VPS13C: variants seen among roughly 807,000 people sequenced by gnomAD.
VPS13C encodes the protein intermembrane lipid transfer protein VPS13C.
A neutral mutation model predicts 456.8 loss-of-function variants in VPS13C; 358 were observed. The ratio of observed to expected loss-of-function variants is 0.78; its 90% CI spans 0.72 to 0.86. VPS13C has a LOEUF of 0.86. Ranked by LOEUF, VPS13C falls within the 40% of genes least tolerant of loss-of-function variation. VPS13C has a pLI of 0.00. For synonymous variants in VPS13C, 1,578 were observed against 1,486.7 expected, an observed-to-expected ratio of 1.06 and a Z score of -1.41; for missense variants, 4,818 against 4,385.4, an observed-to-expected ratio of 1.10 and a Z score of -2.79.
rs772658767 is a variant in VPS13C, at chr15:61,931,217, C to T, written c.5911G>A (p.Glu1971Lys). The change falls in exon 50 of 85, where the codon GAA becomes AAA. Residue 1971 changes from glutamate to lysine, a missense_variant. Physicochemically the swap from Glu to Lys is moderately conservative, Grantham distance 56 (BLOSUM62 1). This residue lies in a region of VPS13C where 4,552 missense variants were observed against 4,130.6 expected (regional missense o/e 1.10). Coordinates refer to ENST00000644861, the MANE Select transcript of VPS13C (RefSeq NM_020821.3). ...GAGGCCATAAGATGTAGTCTGAGTT[C>T]ACCAAGTTGGAAACTGTCATTATGA... ...AFHNDSFQLG[E>K]LRLHLMASSG... 1 of 1,614,000 alleles carries T rather than the reference C, an allele frequency of 6.2e-7. No homozygotes were observed. The highest frequency in any genetic ancestry group is 8.5e-7 in the Non-Finnish European group (1 of 1,179,976).
rs1338305653 is a variant in VPS13C, at chr15:61,918,191, G to A, written c.7705C>T (p.Arg2569Cys). Residue 2569 changes from arginine (R) to cysteine (C), a missense_variant, in exon 59 of 85, where the codon CGC becomes TGC. Coordinates refer to ENST00000644861, the MANE Select transcript of VPS13C (RefSeq NM_020821.3). ...TCTTCAGGTCTGGCTATCCCAATGC[G>A]CTCCAATAGCTTAACATTCTTAACA... ...KFVKNVKLLE[R>C]IGIARPEEEF... The A allele has an allele frequency of 2.6e-5, 41 of 1,599,310 alleles. 1 individual carries two copies. The highest frequency in any genetic ancestry group is 3.3e-4 in the Middle Eastern group (2 of 6,056).
rs1359468787 is a variant in VPS13C, at chr15:61,878,693, T to A, written c.10056A>T (p.Lys3352Asn). ...CAGAATGAACTGCAAACATTTCCTG[T>A]TTTTCTTTGTCTGATTCTTCACCTC... is the stretch of plus-strand genomic sequence containing the variant. ...GSGGEESDKE[K>N]QEMFAVHSVN... is the part of the protein sequence containing the mutation. Residue 3352 changes from lysine to asparagine, a missense_variant, in exon 74 of 85, where the codon AAA becomes AAT. By Grantham distance (94) the Lys-to-Asn change is moderately conservative. Coordinates refer to ENST00000644861, the MANE Select transcript of VPS13C (RefSeq NM_020821.3). The A allele has an allele frequency of 2.5e-6, 4 of 1,611,340 alleles. No homozygotes were observed. Among genetic ancestry groups the A allele is most frequent in the Non-Finnish European group, 3.4e-6 (4 of 1,178,744 alleles).
At chr15:61,898,071 C>G (rs2042885107) in intron 66 of VPS13C, among the ~76,000 whole-genome samples, 2 of 151,788 alleles carry the variant, frequency 1.3e-5, no homozygotes, top group Non-Finnish European at 2.9e-5. Flanking sequence ...TTGTCACCAC[C>G]AGACATGCCC....
chr15:62,020,992 A>G (rs962720776), intron 8 of VPS13C, among the ~76,000 whole-genome samples: 6 of 151,966 alleles, frequency 3.9e-5, no homozygotes, highest in Admixed American at 3.3e-4. Flanking sequence ...GTTTTTTTGC[A>G]GCAACATGGA....
intron 12 of VPS13C, among the ~76,000 whole-genome samples, 170 bp from the exon 13 acceptor site, chr15:62,010,769 G>T (rs2047011226): frequency 1.3e-5 from 2 of 152,148 alleles, no homozygotes; most frequent in Non-Finnish European, 2.9e-5. Flanking sequence ...CTACTTATAT[G>T]CATAATAATA....
intron 74 of VPS13C, among the ~76,000 whole-genome samples, chr15:61,878,184 T>C (rs1157016177): frequency 2.0e-5 from 3 of 151,318 alleles, no homozygotes; most frequent in African/African-American, 7.3e-5. Context: ...AAGGTAAAAA[T>C]GATCTACAGG....
intron 55 of VPS13C, among the ~76,000 whole-genome samples, chr15:61,921,399 G>C (rs1014100589): frequency 4.0e-5 from 6 of 151,850 alleles, no homozygotes; most frequent in Non-Finnish European, 8.8e-5. Context: ...GGTTTCTGAG[G>C]TGTTCTCAAA....
At chr15:62,043,814 A>G (rs1355046356) in intron 2 of VPS13C, among the ~76,000 whole-genome samples, 1 of 152,066 alleles carries the variant, frequency 6.6e-6, no homozygotes, top group Non-Finnish European at 1.5e-5. Context: ...AGAAAATCCT[A>G]TTTTACCTCT....
chr15:61,896,242 G>T (rs1566977454), intron 66 of VPS13C, among the ~76,000 whole-genome samples: 1 of 152,178 alleles, frequency 6.6e-6, no homozygotes, highest in Non-Finnish European at 1.5e-5. Flanking sequence ...TAATAAGGGG[G>T]AGGAGCCAAG....
chr15:62,019,011 C>G (rs1208944806), intron 9 of VPS13C, among the ~76,000 whole-genome samples: 1 of 152,104 alleles, frequency 6.6e-6, no homozygotes, highest in Non-Finnish European at 1.5e-5. Flanking sequence ...CTGGTTTAGT[C>G]TTGGGAGGGT....
intron 82 of VPS13C, among the ~76,000 whole-genome samples, chr15:61,860,953 C>CTTTTTT (rs781045840): frequency 2.2e-5 from 2 of 89,700 alleles, no homozygotes; most frequent in African/African-American, 4.2e-5. Flanking sequence ...TATTTTCTTT[C>CTTTTTT]TTTTTTTTTT....
rs1263247256 is a variant in VPS13C at position 61,858,020 on chromosome 15, T to A, written c.10953-1611A>T. On this transcript the variant is annotated intron_variant, in intron 82 of 84. Transcript: ENST00000644861. This position sits in a 1 kb window ranked among gnomAD's most constrained non-coding sequence, Gnocchi z 4.4. The stretch of plus-strand genomic sequence containing the variant: ...ACTGTGGCAATCTCCAACACCACCA[T>A]ACATTTCCAAACAGTCTCCACTGCC... Among the ~76,000 whole-genome samples the A allele has an allele frequency of 1.3e-5, 2 of 152,148 alleles. No homozygotes were observed. The highest frequency in any genetic ancestry group is 4.8e-5 in the African/African-American group (2 of 41,442).
intron 66 of VPS13C, among the ~76,000 whole-genome samples, chr15:61,892,683 C>A (rs189504327): frequency 6.6e-6 from 1 of 152,132 alleles, no homozygotes; most frequent in Non-Finnish European, 1.5e-5. Flanking sequence ...AAGACAGCCA[C>A]GTGTGAGTTC....
intron 66 of VPS13C, among the ~76,000 whole-genome samples, chr15:61,901,493 C>CA (rs2042994241): frequency 6.6e-6 from 1 of 151,978 alleles, no homozygotes; most frequent in Non-Finnish European, 1.5e-5. Context: ...TTTATGCAGC[C>CA]AAAAAACACA....
intron 67 of VPS13C, among the ~76,000 whole-genome samples, chr15:61,885,242 A>C (rs534710641): frequency 3.2e-4 from 48 of 152,242 alleles, no homozygotes; most frequent in Middle Eastern, 3.4e-3. Flanking sequence ...TTTTTCACAT[A>C]AGCACTGTTT....
At chr15:61,869,410 G>T in intron 80 of VPS13C, 90 bp downstream of exon 80, 1 of 1,412,432 alleles carries the variant, frequency 7.1e-7, no homozygotes. Flanking sequence ...AAGATCCTTA[G>T]GAGCAGGCAA....
intron 49 of VPS13C, among the ~76,000 whole-genome samples, chr15:61,933,145 C>T (rs1471817615): frequency 6.6e-6 from 1 of 152,110 alleles, no homozygotes; most frequent in African/African-American, 2.4e-5. Flanking sequence ...CCTGACAGTA[C>T]TCAGCATCTC....
rs1350937906 is a variant in VPS13C at position 61,922,405 on chromosome 15, T to A, written c.6967A>T (p.Thr2323Ser). 9.3e-6 allele frequency: 15 copies of A among 1,612,440 alleles called. No homozygotes were observed. The highest frequency in any genetic ancestry group is 1.2e-5 in the Non-Finnish European group (14 of 1,179,256). Residue 2323 changes from threonine to serine, a missense_variant, in exon 54 of 85, where the codon ACA becomes TCA. Physicochemically the swap from Thr to Ser is moderately conservative, Grantham distance 58. Coordinates refer to ENST00000644861, the MANE Select transcript of VPS13C (RefSeq NM_020821.3). ...AAGTGATGTGGCCATACCTGTAGTG[T>A]CACGTCAGCAACAGCAGCCATTAGA... ...TSLMAAVADV[T>S]LQVHYYNEIH...
intron 9 of VPS13C, among the ~76,000 whole-genome samples, chr15:62,015,474 T>A (rs550302266): frequency 8.5e-4 from 129 of 151,884 alleles, no homozygotes; most frequent in African/African-American, 2.9e-3. Flanking sequence ...CTTCTAGGGT[T>A]TTTATGGTTT....
Sources: allele counts gnomAD v4.1 joint callset (sites outside exome capture counted in the v4.1 genomes callset), GRCh38; gene constraint gnomAD v4.1.1; regional missense constraint gnomAD v4.1.1; non-coding constraint Gnocchi (gnomAD v3.1); transcripts MANE v1.5; gene names NCBI Gene and HGNC (gene_info 2026-07-23, HGNC 2026-07-21).